Variants in MAF observed in about 807,000 individuals in gnomAD.
The protein encoded by MAF is transcription factor Maf.
MAF carries 10 observed loss-of-function variants against 22.0 expected under a neutral mutation model. The ratio of observed to expected loss-of-function variants is 0.45; its 90% CI spans 0.28 to 0.77. MAF has a LOEUF of 0.77. Among genes scored for constraint, MAF ranks in the 30% least tolerant of loss-of-function variants. MAF has a pLI of 0.12. For missense variants in MAF, 544 were observed against 548.4 expected (o/e 0.99, Z 0.08); for synonymous variants, 337 against 255.8 (o/e 1.32, Z -3.03).
the MAF span, among the ~76,000 whole-genome samples, chr16:79,234,024 T>C: frequency 6.7e-6 from 1 of 150,358 alleles, no homozygotes; most frequent in African/African-American, 2.4e-5. Context: ...GTGTATAGAA[T>C]GGGTAAGATC....
chr16:79,571,152 G>A, the MAF span, among the ~76,000 whole-genome samples: 5 of 151,700 alleles, frequency 3.3e-5, no homozygotes, highest in Non-Finnish European at 7.4e-5. Flanking sequence ...ATCCAAGACT[G>A]TCTGAGCTGA....
the MAF span, among the ~76,000 whole-genome samples, chr16:79,476,123 T>C: frequency 6.6e-6 from 1 of 152,198 alleles, no homozygotes; most frequent in Non-Finnish European, 1.5e-5. Context: ...TTTCTCTTGC[T>C]GGCCTCAAAG....
chr16:79,508,177 T>C, the MAF span, among the ~76,000 whole-genome samples: 1 of 152,236 alleles, frequency 6.6e-6, no homozygotes, highest in South Asian at 2.1e-4. Context: ...GTGCAGGGGA[T>C]AATTCTGCCC....
chr16:79,215,425 G>T, the MAF span, among the ~76,000 whole-genome samples: 2 of 152,182 alleles, frequency 1.3e-5, no homozygotes, highest in East Asian at 3.9e-4. Flanking sequence ...CTCTAGTTAT[G>T]CTTCAAGCAT....
At chr16:79,537,788 C>T in the MAF span, among the ~76,000 whole-genome samples, 25 of 152,226 alleles carry the variant, frequency 1.6e-4, no homozygotes, top group African/African-American at 5.1e-4. Flanking sequence ...ACTCACCAGA[C>T]GAGGTCACAG....
chr16:79,376,345 C>T, the MAF span, among the ~76,000 whole-genome samples: 1 of 151,882 alleles, frequency 6.6e-6, no homozygotes, highest in Non-Finnish European at 1.5e-5. Flanking sequence ...TCTGCTTTTG[C>T]CTTTAATAAA....
At chr16:79,209,858 G>T in the MAF span, among the ~76,000 whole-genome samples, 1 of 152,154 alleles carries the variant, frequency 6.6e-6, no homozygotes, top group African/African-American at 2.4e-5. Flanking sequence ...GGGTTATTAG[G>T]AATAATAATT....
At chr16:79,255,468 A>G in the MAF span, among the ~76,000 whole-genome samples, 1 of 152,266 alleles carries the variant, frequency 6.6e-6, no homozygotes, top group Non-Finnish European at 1.5e-5. Flanking sequence ...GGATCCATCT[A>G]GAAAATCCAT....
chr16:79,393,004 G>T, the MAF span, among the ~76,000 whole-genome samples: 1 of 152,168 alleles, frequency 6.6e-6, no homozygotes, highest in African/African-American at 2.4e-5. Context: ...ACAATTAAAA[G>T]ACTCTCTTCC....
At chr16:79,350,118 C>T in the MAF span, among the ~76,000 whole-genome samples, 1 of 152,200 alleles carries the variant, frequency 6.6e-6, no homozygotes, top group Admixed American at 6.5e-5. Context: ...AACCCCAGCT[C>T]TTGTCAGCAA....
chr16:79,445,813 T>C, the MAF span, among the ~76,000 whole-genome samples: 1 of 152,214 alleles, frequency 6.6e-6, no homozygotes, highest in African/African-American at 2.4e-5. Context: ...CTCCTAAATG[T>C]TTTGATTGTG....
the MAF span, among the ~76,000 whole-genome samples, chr16:79,250,194 C>A: frequency 2.0e-5 from 3 of 152,254 alleles, no homozygotes; most frequent in Non-Finnish European, 4.4e-5. Flanking sequence ...CTGGGTCCCT[C>A]CTCCCTTGTG....
At chr16:79,260,906 G>A in the MAF span, among the ~76,000 whole-genome samples, 1 of 152,048 alleles carries the variant, frequency 6.6e-6, no homozygotes, top group Non-Finnish European at 1.5e-5. Flanking sequence ...GTGGAAAATA[G>A]CACACCCAAG....
chr16:79,501,194 G>C, the MAF span, among the ~76,000 whole-genome samples: 1 of 152,160 alleles, frequency 6.6e-6, no homozygotes, highest in East Asian at 1.9e-4. Flanking sequence ...AAGTCTTGGT[G>C]CTCTTTGGGT....
chr16:79,364,104 A>T, the MAF span, among the ~76,000 whole-genome samples: 2 of 152,126 alleles, frequency 1.3e-5, no homozygotes, highest in African/African-American at 4.8e-5. Context: ...AAGGATAGGA[A>T]ATTTGGTGAG....
chr16:79,512,819 T>C, the MAF span, among the ~76,000 whole-genome samples: 1 of 152,208 alleles, frequency 6.6e-6, no homozygotes, highest in Non-Finnish European at 1.5e-5. Flanking sequence ...TGTAGGTGTG[T>C]TTCCAGGATG....
the MAF span, among the ~76,000 whole-genome samples, chr16:79,468,653 C>G: frequency 6.6e-6 from 1 of 152,156 alleles, no homozygotes; most frequent in Non-Finnish European, 1.5e-5. Flanking sequence ...CATTGAGGGG[C>G]AGTCAGAGTC....
the MAF span, among the ~76,000 whole-genome samples, chr16:79,328,945 T>C: frequency 2.6e-5 from 4 of 152,316 alleles, no homozygotes; most frequent in African/African-American, 9.6e-5. Context: ...TGGTACATCA[T>C]TGCATCTGTC....
chr16:79,576,430 C>T, the MAF span, among the ~76,000 whole-genome samples: 2 of 152,018 alleles, frequency 1.3e-5, no homozygotes, highest in Non-Finnish European at 2.9e-5. Flanking sequence ...GTATACAAAG[C>T]CTCTGAGGCG....
Sources: gnomAD v4.1 joint callset for allele counts (sites outside exome capture counted in the v4.1 genomes callset) on GRCh38, gnomAD v4.1.1 for gene constraint, MANE v1.5 for transcripts, NCBI Gene and HGNC (gene_info 2026-07-23, HGNC 2026-07-21) for gene names.